Variants in EPN3 observed in about 807,000 individuals in gnomAD.
The protein encoded by EPN3 is epsin 3, also known as epsin-3.
EPN3 carries 56 observed loss-of-function variants against 55.5 expected under a neutral mutation model. The ratio of observed to expected loss-of-function variants is 1.01; its 90% CI spans 0.81 to 1.26. EPN3 has a LOEUF of 1.26. Ranked by LOEUF, EPN3 falls within the 50% of genes most tolerant of loss-of-function variation. The probability of loss-of-function intolerance (pLI) is 0.00; values close to 1 mark genes in which losing one functional copy is unlikely to be tolerated. For synonymous variants in EPN3, 449 were observed against 375.2 expected (o/e 1.20, Z -2.27); for missense variants, 927 against 853.4 (o/e 1.09, Z -1.07).
chr17:50,542,307 AC>A lies in EPN3; in HGVS notation c.*152del. ...CGGCGGCTCTGGAAGCTGGACGCGG[AC>A]CACGGCCCGGGAGCTAGAAACTGAA... is the stretch of plus-strand genomic sequence containing the variant. On this transcript the variant is annotated 3_prime_UTR_variant, in exon 10 of 10. Transcript: ENST00000268933. 1.3e-6 allele frequency: 1 copy of A among 786,188 alleles called. No individual in the cohort carries two copies. The highest frequency in any genetic ancestry group is 1.8e-6 in the Non-Finnish European group (1 of 552,004). 48.7% of individuals were successfully genotyped at this position (786,188 alleles called of 1,614,324 possible).
intron 5 of EPN3, among the ~76,000 whole-genome samples, chr17:50,539,590 G>A (rs561252667): frequency 6.6e-6 from 1 of 152,214 alleles, no homozygotes; most frequent in Admixed American, 6.5e-5. Context: ...GCATGTCACT[G>A]TCATGGCCTC....
At position 50,541,542 on chromosome 17, in the gene EPN3, T is replaced by A. The variant is rs2034848741; in HGVS notation, c.1433T>A (p.Ile478Lys). The change falls in exon 9 of 10, where the codon ATA (isoleucine) becomes AAA (lysine). Residue 478 changes from isoleucine to lysine, a missense_variant. Coordinates refer to ENST00000268933, the MANE Select transcript of EPN3 (RefSeq NM_017957.3). ...TKEPDALDLG[I>K]LGEALTQPSK... is the part of the protein sequence containing the mutation. ...GAGCCAGATGCCCTGGACCTGGGCA[T>A]ACTAGGGGAAGCACTAACCCAGCCA... The A allele has an allele frequency of 6.2e-6, 10 of 1,614,164 alleles. No individual in the cohort carries two copies. The highest frequency in any genetic ancestry group is 8.5e-6 in the Non-Finnish European group (10 of 1,180,028).
Position 50,540,827 on chromosome 17 carries a change from C to T in EPN3, c.1014C>T (p.Ser338=), listed in dbSNP as rs1249785918. 6.2e-7 allele frequency: 1 copy of T among 1,613,750 alleles called. No individual in the cohort carries two copies. The highest frequency in any genetic ancestry group is 1.7e-5 in the Admixed American group (1 of 59,970). The change falls in exon 7 of 10, where the codon TCC becomes TCT. Residue 338 remains serine, a synonymous_variant. Coordinates refer to ENST00000268933, the MANE Select transcript of EPN3 (RefSeq NM_017957.3). ...FRPNTEASGS[S]WGPSADPWSP... ...CGAACACAGAGGCCAGTGGATCCTC[C>T]TGGGGGCCTTCTGCAGACCCCTGGT... is the stretch of plus-strand genomic sequence containing the variant.
At position 50,542,152 on chromosome 17, in the gene EPN3, C is replaced by G; in HGVS notation, c.1894C>G (p.Leu632Val). Residue 632 changes from leucine to valine, a missense_variant, in exon 10 of 10, where the codon CTC (leucine) becomes GTC (valine). Coordinates refer to ENST00000268933, the MANE Select transcript of EPN3 (RefSeq NM_017957.3). Reference sequence around the variant, plus strand: ...CCCGCAGACCGGCACCAACCCCTTCCTCTGAGCCCCGCCCCGTCCCATACC... The same window carrying G: ...CCCGCAGACCGGCACCAACCCCTTCGTCTGAGCCCCGCCCCGTCCCATACC... ...PPPQTGTNPFL is the reference protein window; with the variant it reads ...PPPQTGTNPFV 1.3e-6 allele frequency: 2 copies of G among 1,497,970 alleles called. No homozygotes were observed. The highest frequency in any genetic ancestry group is 2.2e-5 in the Admixed American group (1 of 45,550). The allele number at this position is 1,497,970 out of a possible 1,614,324, so 92.8% of individuals were successfully genotyped here. A position where few individuals can be genotyped will look rare whatever the true frequency, so the allele number is the denominator to read the frequency against.
rs2034861875 is a variant in EPN3, at chr17:50,542,283, G to T, written c.*126G>T. 9.2e-7 allele frequency: 1 copy of T among 1,092,564 alleles called. No individual in the cohort carries two copies. The highest frequency in any genetic ancestry group is 1.2e-6 in the Non-Finnish European group (1 of 825,314). The allele number at this position is 1,092,564 out of a possible 1,614,324, so 67.7% of individuals were successfully genotyped here. On this transcript the variant is annotated 3_prime_UTR_variant, in exon 10 of 10. Coordinates refer to ENST00000268933, the MANE Select transcript of EPN3 (RefSeq NM_017957.3). ...GAGCCAGTGGCGGCTGGTATCCCGC[G>T]GCGGCTCTGGAAGCTGGACGCGGAC... is the stretch of plus-strand genomic sequence containing the variant.
At chr17:50,540,178 C>A in intron 5 of EPN3, 69 bp from the exon 6 acceptor site, 1 of 1,230,166 alleles carries the variant, frequency 8.1e-7, no homozygotes. Flanking sequence ...ATTAGCCTGA[C>A]AGGTCAGGGC....
intron 5 of EPN3, 78 bp from the exon 6 acceptor site, chr17:50,540,169 T>G: frequency 9.0e-7 from 1 of 1,107,648 alleles, no homozygotes; most frequent in Non-Finnish European, 1.4e-6. Flanking sequence ...TGAACTGGCA[T>G]TAGCCTGACA....
At chr17:50,537,175 G>A (rs2034777046) in intron 2 of EPN3, 57 bp downstream of exon 2, 1 of 1,469,290 alleles carries the variant, frequency 6.8e-7, no homozygotes, top group Non-Finnish European at 9.1e-7. Context: ...TCCATTCCTG[G>A]CTCTGCAATC....
chr17:50,538,998 G>A (rs749835964), intron 4 of EPN3, 34 bp downstream of exon 4: 2 of 1,565,632 alleles, frequency 1.3e-6, no homozygotes, highest in Non-Finnish European at 1.7e-6. Flanking sequence ...TGCCGGTGCT[G>A]CTGCTGCTGC....
At chr17:50,535,727 T>C (rs574462047) in intron 1 of EPN3, among the ~76,000 whole-genome samples, 1 of 152,320 alleles carries the variant, frequency 6.6e-6, no homozygotes, top group South Asian at 2.1e-4. Flanking sequence ...AGGCGTGTGT[T>C]CTGTGCCTGG....
rs191315585 is a variant in EPN3, at chr17:50,532,966, C to T, written c.-156C>T. 1.1e-4 allele frequency: 142 copies of T among 1,285,034 alleles called. No homozygotes were observed. The African/African-American group carries it at 1.3e-3, about 12-fold the overall frequency. The allele number at this position is 1,285,034 out of a possible 1,614,324, so 79.6% of individuals were successfully genotyped here. On this transcript the variant is annotated 5_prime_UTR_variant, in exon 1 of 10. Transcript: ENST00000268933. ...AGGCTACTCGGGCTGGGGCTGGGGC[C>T]GAGGGAGCCCGCACTGGAGGTAAGC...
In EPN3 at chr17:50,539,349, G is replaced by A. The variant is rs757499493; in HGVS notation, c.891+34G>A. The A allele has an allele frequency of 2.2e-5, 36 of 1,612,670 alleles. No individual in the cohort carries two copies. In the Middle Eastern group the frequency reaches 4.9e-4, roughly 22 times the overall value. On this transcript the variant is annotated intron_variant, in intron 5 of 9. Transcript: ENST00000268933. ...TGGGCTGCGGTGCTTGGGATGGACAGGGCCTAAGAGATGGACTGAGTATTT... is the reference window on the plus strand; with the variant it reads ...TGGGCTGCGGTGCTTGGGATGGACAAGGCCTAAGAGATGGACTGAGTATTT...
intron 2 of EPN3, 65 bp downstream of exon 2, chr17:50,537,183 A>G (rs2034777170): frequency 2.8e-6 from 4 of 1,444,104 alleles, no homozygotes; most frequent in Non-Finnish European, 3.7e-6. Flanking sequence ...TGGCTCTGCA[A>G]TCCAAGCCAT....
intron 2 of EPN3, among the ~76,000 whole-genome samples, chr17:50,537,731 C>T (rs1279978513): frequency 6.6e-6 from 1 of 152,214 alleles, no homozygotes; most frequent in Non-Finnish European, 1.5e-5. Flanking sequence ...TGGACTAGAA[C>T]CTCCTATCCT....
intron 3 of EPN3, 23 bp downstream of exon 3, chr17:50,538,220 C>A: frequency 1.9e-6 from 3 of 1,583,228 alleles, no homozygotes; most frequent in South Asian, 2.2e-5. Flanking sequence ...AGCCCCACTG[C>A]GGTGGGGAGG....
At chr17:50,535,090 G>A (rs2034739849) in intron 1 of EPN3, among the ~76,000 whole-genome samples, 1 of 152,200 alleles carries the variant, frequency 6.6e-6, no homozygotes, top group Non-Finnish European at 1.5e-5. Flanking sequence ...TCAGCAGATA[G>A]CCTGGACCTG....
chr17:50,542,193 C>A lies in EPN3; in HGVS notation c.*36C>A. The stretch of plus-strand genomic sequence containing the variant: ...GTCCCATACCGGCCTGCGCCTGCGC[C>A]GGACGCTCCGCGGCCCCGCCTCCGG... On this transcript the variant is annotated 3_prime_UTR_variant, in exon 10 of 10. Coordinates refer to ENST00000268933, the MANE Select transcript of EPN3 (RefSeq NM_017957.3). The A allele has an allele frequency of 7.0e-7, 1 of 1,434,830 alleles. No individual in the cohort carries two copies. Among genetic ancestry groups the A allele is most frequent in the Non-Finnish European group, 9.1e-7 (1 of 1,104,284 alleles). The allele number at this position is 1,434,830 out of a possible 1,614,324, so 88.9% of individuals were successfully genotyped here.
At position 50,541,534 on chromosome 17, in the gene EPN3, C is replaced by T; in HGVS notation, c.1425C>T (p.Asp475=). ...GCACGAAGGAGCCAGATGCCCTGGA[C>T]CTGGGCATACTAGGGGAAGCACTAA... ...QNGTKEPDAL[D]LGILGEALTQ... is the part of the protein sequence containing the mutation. Residue 475 remains aspartate, a synonymous_variant, in exon 9 of 10, where the codon GAC becomes GAT. Coordinates refer to ENST00000268933, the MANE Select transcript of EPN3 (RefSeq NM_017957.3). The T allele has an allele frequency of 6.2e-7, 1 of 1,614,216 alleles. No individual in the cohort carries two copies. Among genetic ancestry groups the T allele is most frequent in the Non-Finnish European group, 8.5e-7 (1 of 1,180,038 alleles).
In EPN3 at chr17:50,541,979, C is replaced by G. The variant is rs561030280; in HGVS notation, c.1721C>G (p.Thr574Ser). The G allele has an allele frequency of 5.0e-6, 8 of 1,597,526 alleles. No homozygotes were observed. The highest frequency in any genetic ancestry group is 5.9e-6 in the Non-Finnish European group (7 of 1,178,404). Residue 574 changes from threonine to serine, a missense_variant, in exon 10 of 10, where the codon ACC (threonine) becomes AGC (serine). Thr to Ser is a moderately conservative substitution (Grantham distance 58). Transcript: ENST00000268933. ...GTGGGGGCGCCCCTGGGCTCCATGA[C>G]CTACAGCGCCTCTCTGCCCCTCCCG... ...GPVGAPLGSM[T>S]YSASLPLPLS...
Sources: gnomAD v4.1 joint callset for allele counts (sites outside exome capture counted in the v4.1 genomes callset) on GRCh38, gnomAD v4.1.1 for gene constraint, MANE v1.5 for transcripts, NCBI Gene and HGNC (gene_info 2026-07-23, HGNC 2026-07-21) for gene names.